The following MICU3 variants were observed in gnomAD, a reference collection of about 807,000 sequenced individuals.
MICU3 encodes calcium uptake protein 3, mitochondrial.
MICU3 carries 62 observed loss-of-function variants against 66.5 expected under a neutral mutation model. That is an observed-to-expected ratio of 0.93 (90% CI 0.76 to 1.15). The LOEUF is 1.15. Among genes scored for constraint, MICU3 ranks in the 50% most tolerant of loss-of-function variants. The pLI, the probability that MICU3 is intolerant of heterozygous loss-of-function variation, is 0.00. For synonymous variants in MICU3, 308 were observed against 240.7 expected, an observed-to-expected ratio of 1.28 and a Z score of -2.59; for missense variants, 779 against 664.4, an observed-to-expected ratio of 1.17 and a Z score of -1.90.
intron 3 of MICU3, among the ~76,000 whole-genome samples, chr8:17,070,442 T>A (rs1024447778): frequency 1.6e-4 from 24 of 152,198 alleles, no homozygotes; most frequent in Middle Eastern, 6.8e-3. Context: ...TTATTTAGGA[T>A]ACATTCATAC....
At chr8:17,033,998 C>G (rs1812541894) in intron 1 of MICU3, among the ~76,000 whole-genome samples, 1 of 152,184 alleles carries the variant, frequency 6.6e-6, no homozygotes, top group Non-Finnish European at 1.5e-5. Flanking sequence ...AGGCTGCCGT[C>G]TAGGACTTTG....
At chr8:17,063,182 A>G (rs905051157) in intron 1 of MICU3, among the ~76,000 whole-genome samples, 1 of 152,164 alleles carries the variant, frequency 6.6e-6, no homozygotes, top group African/African-American at 2.4e-5. Context: ...GAAAGCAAAA[A>G]CAATTCTATC....
At chr8:17,125,454 A>G (rs1374171988), downstream of MICU3, among the ~76,000 whole-genome samples, 1 of 151,982 alleles carries the variant, frequency 6.6e-6, no homozygotes, top group Non-Finnish European at 1.5e-5. Context: ...ATCCTTTGGT[A>G]TACGTTCATA....
At chr8:17,058,538 T>A (rs1817336027) in intron 1 of MICU3, among the ~76,000 whole-genome samples, 1 of 152,198 alleles carries the variant, frequency 6.6e-6, no homozygotes, top group African/African-American at 2.4e-5. Context: ...TGATGTTTTT[T>A]TTTTCTTGAA....
intron 1 of MICU3, among the ~76,000 whole-genome samples, chr8:17,035,665 G>A (rs918851991): frequency 3.3e-5 from 5 of 152,236 alleles, no homozygotes; most frequent in African/African-American, 1.2e-4. Flanking sequence ...TGTTCAAGAT[G>A]TGACTTGGGT....
At chr8:17,129,863 T>A in the MICU3 span, among the ~76,000 whole-genome samples, 8 of 152,124 alleles carry the variant, frequency 5.3e-5, no homozygotes, top group South Asian at 2.1e-4. Context: ...AAAACAAAAA[T>A]TTTTTTTCAG....
chr8:17,066,530 T>G lies in MICU3; in HGVS notation c.535+2293T>G, dbSNP rs767500382. On this transcript the variant is annotated intron_variant, in intron 2 of 14. Coordinates refer to ENST00000318063, the MANE Select transcript of MICU3 (RefSeq NM_181723.3). The stretch of plus-strand genomic sequence containing the variant: ...ATTGTTAATAATCTATATATATATA[T>G]ATATATATATAGATTTTTTTTTTTT... 4.5e-3 allele frequency among the ~76,000 whole-genome samples: 571 copies of G among 127,162 alleles called. 6 individuals are homozygous for G. Among genetic ancestry groups the G allele is most frequent in the Non-Finnish European group, 6.3e-3 (381 of 60,360 alleles). 83.4% of individuals were successfully genotyped at this position (127,162 alleles called of 152,430 possible).
chr8:17,027,797 C>G (rs1811268176), intron 1 of MICU3, 137 bp downstream of exon 1: 1 of 1,104,416 alleles, frequency 9.1e-7, no homozygotes, highest in African/African-American at 1.6e-5. Context: ...AGGCTGACAC[C>G]TAGGCCGGAC....
rs775935983 is a variant in MICU3, at chr8:17,105,471, G to A, written c.1144G>A (p.Gly382Arg). ...LEIEFLSYSN[G>R]MNTISEEDFA... ...AATAGAATTCCTTTCCTACTCAAAT[G>A]GAATGAATACCATCAGTGAAGAAGA... The change falls in exon 11 of 15, where the codon GGA (glycine) becomes AGA (arginine). Residue 382 changes from glycine to arginine, a missense_variant. By Grantham distance (125) the Gly-to-Arg change is moderately radical. Coordinates refer to ENST00000318063, the MANE Select transcript of MICU3 (RefSeq NM_181723.3). 1.3e-6 allele frequency: 2 copies of A among 1,575,618 alleles called. No homozygotes were observed. The highest frequency in any genetic ancestry group is 1.4e-5 in the African/African-American group (1 of 72,860).
intron 5 of MICU3, among the ~76,000 whole-genome samples, chr8:17,083,842 G>A (rs3850761): frequency 0.43 from 65,358 of 151,878 alleles, 14,578 homozygotes; most frequent in African/African-American, 0.54. Context: ...TGATGGATCC[G>A]ATATTAGAAG....
chr8:17,117,346 C>G (rs907471527), intron 13 of MICU3, among the ~76,000 whole-genome samples: 12 of 152,068 alleles, frequency 7.9e-5, no homozygotes, highest in African/African-American at 2.9e-4. Flanking sequence ...ACTGCATAAT[C>G]ATTACTTTTT....
the MICU3 span, among the ~76,000 whole-genome samples, chr8:17,137,822 T>C: frequency 1.3e-5 from 2 of 150,864 alleles, no homozygotes; most frequent in African/African-American, 4.9e-5. Context: ...ATTCAAGCAG[T>C]TCTCCTGCCT....
downstream of MICU3, among the ~76,000 whole-genome samples, chr8:17,124,506 C>G (rs187898693): frequency 3.7e-4 from 56 of 152,080 alleles, 1 homozygote; most frequent in African/African-American, 1.3e-3. Context: ...TCCTACTGTC[C>G]CATCTAGAAT....
rs191048149 is a variant in MICU3 at position 17,082,831 on chromosome 8, G to T, written c.694+1091G>T. Among the ~76,000 whole-genome samples the T allele has an allele frequency of 4.6e-5, 7 of 152,252 alleles. No individual in the cohort carries two copies. The East Asian group carries it at 1.2e-3, about 25-fold the overall frequency. ...ACTTTGTAACTTAGCGAGGAATGAC[G>T]TTAACATTGAGTTCTGTTACAGTAA... On this transcript the variant is annotated intron_variant, in intron 5 of 14. Transcript: ENST00000318063.
rs530003242 is a variant in MICU3 at position 17,102,234 on chromosome 8, C to T, written c.985-2157C>T. On this transcript the variant is annotated intron_variant, in intron 9 of 14. Transcript: ENST00000318063. ...CTCTAGCTTCCAGACAGAGGCGCCT[C>T]TACTCTTATGCTCCACTCGAGCATG... 4.6e-5 allele frequency among the ~76,000 whole-genome samples: 7 copies of T among 151,966 alleles called. No homozygotes were observed. The East Asian group carries it at 1.4e-3, about 29-fold the overall frequency.
chr8:17,128,906 C>G, the MICU3 span, among the ~76,000 whole-genome samples: 1 of 152,164 alleles, frequency 6.6e-6, no homozygotes, highest in Non-Finnish European at 1.5e-5. Context: ...ACTGTTAAGT[C>G]TGACTGAATA....
rs553376528 is a variant in MICU3 at position 17,111,178 on chromosome 8, T to C, written c.1258-2915T>C. Among the ~76,000 whole-genome samples, 5 of 152,344 alleles carry C rather than the reference T, an allele frequency of 3.3e-5. No individual in the cohort carries two copies. In the East Asian group the frequency reaches 9.6e-4, roughly 29 times the overall value. ...ATTTTTCAAGTCCTTTGCCCATTTT[T>C]AAATTAGGTTGTTTATCATTTTGTT... On this transcript the variant is annotated intron_variant, in intron 11 of 14. Coordinates refer to ENST00000318063, the MANE Select transcript of MICU3 (RefSeq NM_181723.3).
the MICU3 span, among the ~76,000 whole-genome samples, chr8:17,129,587 C>T: frequency 5.3e-5 from 8 of 152,038 alleles, no homozygotes; most frequent in Non-Finnish European, 1.0e-4. Flanking sequence ...GAAATACAAG[C>T]TATCCAAACT....
intron 1 of MICU3, among the ~76,000 whole-genome samples, chr8:17,050,526 C>T: frequency 6.6e-6 from 1 of 151,990 alleles, no homozygotes; most frequent in East Asian, 1.9e-4. Context: ...TAACAAGCAC[C>T]TTATTCTGTT....
Sources: allele counts gnomAD v4.1 joint callset (sites outside exome capture counted in the v4.1 genomes callset), GRCh38; gene constraint gnomAD v4.1.1; transcripts MANE v1.5; gene names NCBI Gene and HGNC (gene_info 2026-07-23, HGNC 2026-07-21).